Variants in SAE1 observed in about 807,000 individuals in gnomAD.
The protein encoded by SAE1 is SUMO1 activating enzyme subunit 1.
Under a neutral mutation model 40.6 loss-of-function variants are expected in SAE1, and 11 were observed. That is an observed-to-expected ratio of 0.27 (90% CI 0.17 to 0.45). The LOEUF (loss-of-function observed/expected upper bound fraction) is 0.45. Among genes scored for constraint, SAE1 ranks in the 20% least tolerant of loss-of-function variants. SAE1 has a pLI of 1.00. For missense variants in SAE1, 373 were observed against 427.3 expected, an observed-to-expected ratio of 0.87 and a Z score of 1.12; for synonymous variants, 155 against 154.3, an observed-to-expected ratio of 1.00 and a Z score of -0.03.
intron 1 of SAE1, among the ~76,000 whole-genome samples, chr19:47,139,321 C>T (rs2058202784): frequency 6.6e-6 from 1 of 152,014 alleles, no homozygotes. Flanking sequence ...GGATTACAGG[C>T]GTGAGTCGCC....
intron 6 of SAE1, among the ~76,000 whole-genome samples, chr19:47,174,011 C>G (rs2058452100): frequency 1.3e-5 from 2 of 151,998 alleles, no homozygotes; most frequent in Admixed American, 6.6e-5. Flanking sequence ...GTCTCGAACT[C>G]CTGACCTCGT....
chr19:47,194,309 A>T (rs1488754842), intron 6 of SAE1, among the ~76,000 whole-genome samples: 1 of 151,954 alleles, frequency 6.6e-6, no homozygotes, highest in African/African-American at 2.4e-5. Context: ...AAAAAGTGTG[A>T]CTCTGATGCT....
intron 5 of SAE1, among the ~76,000 whole-genome samples, chr19:47,165,023 G>A (rs1212452794): frequency 1.3e-5 from 2 of 149,012 alleles, no homozygotes; most frequent in African/African-American, 5.0e-5. Flanking sequence ...CAGACCTTGT[G>A]ATCCACTCAC....
At chr19:47,158,883 A>AC (rs2058340425) in intron 5 of SAE1, among the ~76,000 whole-genome samples, 1 of 152,214 alleles carries the variant, frequency 6.6e-6, no homozygotes. Context: ...AAAGAGGGAT[A>AC]CCCCTGAAGT....
chr19:47,152,800 A>G, intron 3 of SAE1, 98 bp from the exon 4 acceptor site: 3 of 1,164,610 alleles, frequency 2.6e-6, no homozygotes, highest in South Asian at 3.1e-5. Flanking sequence ...TGCTTTGAGC[A>G]TGCCCAGAGA....
intron 6 of SAE1, among the ~76,000 whole-genome samples, chr19:47,180,647 A>AC (rs1383984150): frequency 2.0e-5 from 3 of 152,038 alleles, no homozygotes; most frequent in African/African-American, 7.2e-5. Context: ...ACAAAACGAG[A>AC]CCCCATCTCT....
At position 47,150,443 on chromosome 19, in the gene SAE1, C is replaced by A; in HGVS notation, c.384+68C>A. 4.0e-6 allele frequency: 5 copies of A among 1,260,070 alleles called. No homozygotes were observed. In the South Asian group the frequency reaches 5.8e-5, roughly 15 times the overall value. 78.1% of individuals were successfully genotyped at this position (1,260,070 alleles called of 1,614,324 possible). A position where few individuals can be genotyped will look rare whatever the true frequency, so the allele number is the denominator to read the frequency against. ...TTAAGGTGCTAGTTGTATATACTTT[C>A]AAATCCCAAAGCAATCTGAGAGCAT... On this transcript the variant is annotated intron_variant, in intron 3 of 8. Transcript: ENST00000270225.
chr19:47,147,924 A>G (rs547632563), intron 2 of SAE1, among the ~76,000 whole-genome samples: 7 of 150,956 alleles, frequency 4.6e-5, no homozygotes, highest in Middle Eastern at 3.4e-3. Flanking sequence ...ACGCCTGGCT[A>G]ATTTTTTTGT....
intron 1 of SAE1, 161 bp downstream of exon 1, chr19:47,131,189 T>TG: frequency 7.2e-7 from 1 of 1,384,358 alleles, no homozygotes. Flanking sequence ...AGGAGTTGAT[T>TG]GGGGATGTTT....
intron 1 of SAE1, among the ~76,000 whole-genome samples, chr19:47,133,452 C>T (rs1484394388): frequency 6.6e-6 from 1 of 152,208 alleles, no homozygotes; most frequent in Non-Finnish European, 1.5e-5. Flanking sequence ...GTCTCGATCT[C>T]CTGACCTCGT....
At chr19:47,206,087 C>G (rs144107693) in intron 8 of SAE1, among the ~76,000 whole-genome samples, 48 of 152,292 alleles carry the variant, frequency 3.2e-4, no homozygotes, top group African/African-American at 1.2e-3. Context: ...TAGCCTTGAC[C>G]CCATTGTTGG....
At chr19:47,140,298 G>T (rs1240974797) in intron 1 of SAE1, among the ~76,000 whole-genome samples, 1 of 151,722 alleles carries the variant, frequency 6.6e-6, no homozygotes, top group East Asian at 1.9e-4. Flanking sequence ...AGTAGAGATA[G>T]GGTTTCACCT....
At chr19:47,163,066 G>A (rs1401402307) in intron 5 of SAE1, among the ~76,000 whole-genome samples, 1 of 152,016 alleles carries the variant, frequency 6.6e-6, no homozygotes, top group East Asian at 1.9e-4. Context: ...TTAATGAAAT[G>A]TTAATCCTAC....
At chr19:47,183,159 A>G (rs964821443) in intron 6 of SAE1, among the ~76,000 whole-genome samples, 2 of 151,920 alleles carry the variant, frequency 1.3e-5, no homozygotes, top group African/African-American at 4.8e-5. Context: ...CAGGTGATCC[A>G]CCCACCTTGG....
chr19:47,198,739 C>T (rs1027691780), intron 7 of SAE1, among the ~76,000 whole-genome samples: 22 of 152,190 alleles, frequency 1.4e-4, no homozygotes, highest in Admixed American at 5.2e-4. Context: ...GCAAACCCCA[C>T]TCCATTTAGG....
At chr19:47,142,732 G>A (rs2058229667) in intron 1 of SAE1, 1 of 152,076 alleles carries the variant, frequency 6.6e-6, no homozygotes, top group Admixed American at 6.6e-5. Context: ...TTCTCTATCT[G>A]GAATGTTCTG....
chr19:47,158,622 C>T (rs1485115644), intron 5 of SAE1, among the ~76,000 whole-genome samples: 1 of 152,220 alleles, frequency 6.6e-6, no homozygotes, highest in Non-Finnish European at 1.5e-5. Context: ...AACCGAAAGA[C>T]GGACGTAGGG....
intron 6 of SAE1, among the ~76,000 whole-genome samples, chr19:47,181,660 G>C (rs1035278980): frequency 2.7e-5 from 4 of 150,776 alleles, no homozygotes; most frequent in Non-Finnish European, 5.9e-5. Context: ...TGTATTTTTG[G>C]TAGAGATGGG....
rs1446655723 is a variant in SAE1, at chr19:47,210,397, G to A, written c.*1146G>A. 6.6e-6 allele frequency: 1 copy of A among 152,060 alleles called. No homozygotes were observed. The highest frequency in any genetic ancestry group is 2.4e-5 in the African/African-American group (1 of 41,376). 9.4% of individuals were successfully genotyped at this position (152,060 alleles called of 1,614,324 possible). A position where few individuals can be genotyped will look rare whatever the true frequency, so the allele number is the denominator to read the frequency against. On this transcript the variant is annotated 3_prime_UTR_variant, in exon 9 of 9. Transcript: ENST00000270225. Reference sequence around the variant, plus strand: ...AGCTTCTGGCTCCAGTTGTCTAATGGATAATTCAGCTAAATAGTGGCTATT... The same window carrying A: ...AGCTTCTGGCTCCAGTTGTCTAATGAATAATTCAGCTAAATAGTGGCTATT...
Sources: allele counts gnomAD v4.1 joint callset (sites outside exome capture counted in the v4.1 genomes callset), GRCh38; gene constraint gnomAD v4.1.1; transcripts MANE v1.5; gene names NCBI Gene and HGNC (gene_info 2026-07-23, HGNC 2026-07-21).